Variants in MYO3B observed in about 807,000 individuals in gnomAD.
MYO3B encodes the protein myosin-IIIb.
A neutral mutation model predicts 174.6 loss-of-function variants in MYO3B; 156 were observed. That is an observed-to-expected ratio of 0.89 (90% CI 0.78 to 1.02). The LOEUF (loss-of-function observed/expected upper bound fraction) is 1.02, where lower values mean the gene tolerates loss of function less well. Among genes scored for constraint, MYO3B ranks in the 50% least tolerant of loss-of-function variants. The probability of loss-of-function intolerance (pLI) is 0.00; values close to 1 mark genes in which losing one functional copy is unlikely to be tolerated. For missense variants in MYO3B, 1,632 were observed against 1,639.4 expected, an observed-to-expected ratio of 1.00 and a Z score of 0.08; for synonymous variants, 563 against 569.1, an observed-to-expected ratio of 0.99 and a Z score of 0.15.
intron 25 of MYO3B, among the ~76,000 whole-genome samples, chr2:170,475,140 G>A (rs960438754): frequency 6.6e-6 from 1 of 152,182 alleles, no homozygotes; most frequent in African/African-American, 2.4e-5. Context: ...ATTTGACACA[G>A]TTCTCTGACT....
intron 32 of MYO3B, among the ~76,000 whole-genome samples, chr2:170,639,186 C>T (rs954367265): frequency 1.3e-5 from 2 of 152,184 alleles, no homozygotes; most frequent in African/African-American, 4.8e-5. Context: ...TTACCCAGGA[C>T]ATTGTTTCCC....
At chr2:170,569,333 G>A (rs1692274104) in intron 32 of MYO3B, among the ~76,000 whole-genome samples, 2 of 152,094 alleles carry the variant, frequency 1.3e-5, no homozygotes, top group African/African-American at 4.8e-5. Context: ...TCAAATATAT[G>A]TTCTTCCCTT....
chr2:170,527,872 A>G (rs1689105726), intron 30 of MYO3B, among the ~76,000 whole-genome samples: 1 of 152,212 alleles, frequency 6.6e-6, no homozygotes, highest in South Asian at 2.1e-4. Flanking sequence ...TAGGGCTGAA[A>G]CTGTCACTCA....
chr2:170,286,347 AT>A (rs2093556263), intron 7 of MYO3B, among the ~76,000 whole-genome samples: 2 of 152,182 alleles, frequency 1.3e-5, no homozygotes, highest in South Asian at 4.1e-4. Context: ...GGGGGCATGA[AT>A]ATATGTCAAT....
intron 7 of MYO3B, among the ~76,000 whole-genome samples, chr2:170,315,539 C>T (rs1432360012): frequency 6.6e-6 from 1 of 152,106 alleles, no homozygotes; most frequent in Non-Finnish European, 1.5e-5. Flanking sequence ...CTTCTGACCT[C>T]AGGTGACCCG....
At chr2:170,269,577 C>G (rs1358039263) in intron 7 of MYO3B, among the ~76,000 whole-genome samples, 1 of 152,184 alleles carries the variant, frequency 6.6e-6, no homozygotes, top group Non-Finnish European at 1.5e-5. Flanking sequence ...TAAAAATACA[C>G]TTGGCACACT....
Position 170,548,120 on chromosome 2 carries a change from A to G in MYO3B, c.3733+4132A>G, listed in dbSNP as rs1297082548. ...AGACTCCGTCTCAAAAAAAAAAAAAAAAAAAAAAAAAAAAAGAATGTGAGG... is the reference window on the plus strand; with the variant it reads ...AGACTCCGTCTCAAAAAAAAAAAAAGAAAAAAAAAAAAAAAGAATGTGAGG... On this transcript the variant is annotated intron_variant, in intron 32 of 34. Coordinates refer to ENST00000408978, the MANE Select transcript of MYO3B (RefSeq NM_138995.5). 2.7e-5 allele frequency among the ~76,000 whole-genome samples: 4 copies of G among 149,168 alleles called. No homozygotes were observed. In the South Asian group the frequency reaches 9.1e-4, roughly 34 times the overall value.
At chr2:170,445,004 G>A (rs571257939) in intron 23 of MYO3B, among the ~76,000 whole-genome samples, 1 of 152,266 alleles carries the variant, frequency 6.6e-6, no homozygotes, top group South Asian at 2.1e-4. Context: ...TAAAGTTGCT[G>A]CAAACTCTGA....
At chr2:170,407,933 C>T (rs1048493573) in intron 22 of MYO3B, 89 bp downstream of exon 22, 3 of 1,471,568 alleles carry the variant, frequency 2.0e-6, no homozygotes, top group African/African-American at 2.8e-5. Context: ...ACTGCCAGGG[C>T]TGCACCGCTA....
At chr2:170,389,372 C>T (rs35440638) in intron 14 of MYO3B, among the ~76,000 whole-genome samples, 2,712 of 152,294 alleles carry the variant, frequency 0.018, 33 homozygotes, top group Non-Finnish European at 0.029. Flanking sequence ...GGGGGCTGCT[C>T]TGCCAGCCAC....
rs965859550 is a variant in MYO3B, at chr2:170,319,491, G to A, written c.750-15894G>A. 9.9e-5 allele frequency among the ~76,000 whole-genome samples: 15 copies of A among 151,906 alleles called. No individual in the cohort carries two copies. The Middle Eastern group carries it at 0.017, about 172-fold the overall frequency. On this transcript the variant is annotated intron_variant, in intron 7 of 34. Coordinates refer to ENST00000408978, the MANE Select transcript of MYO3B (RefSeq NM_138995.5). Reference sequence around the variant, plus strand: ...TTAACCAACCTGAAGAACACAGAGGGAAAAAAAGACATTGAAGAAAAATTA... The same window carrying A: ...TTAACCAACCTGAAGAACACAGAGGAAAAAAAAGACATTGAAGAAAAATTA...
chr2:170,540,662 C>A (rs1411303762), intron 30 of MYO3B, among the ~76,000 whole-genome samples: 25 of 143,462 alleles, frequency 1.7e-4, no homozygotes, highest in East Asian at 4.3e-4. Flanking sequence ...AAACAAAAAA[C>A]AACAAAAAAA....
intron 7 of MYO3B, among the ~76,000 whole-genome samples, chr2:170,282,242 A>G (rs1313183084): frequency 6.6e-6 from 1 of 152,120 alleles, no homozygotes; most frequent in Non-Finnish European, 1.5e-5. Context: ...TTGGGGTCTT[A>G]AATTTAAGTC....
In MYO3B at chr2:170,501,837, G is replaced by C. The variant is rs1559062759; in HGVS notation, c.3342G>C (p.Arg1114Ser). The change falls in exon 28 of 35, where the codon AGG (arginine) becomes AGC (serine). Residue 1114 changes from arginine (R) to serine (S), a missense_variant. Physicochemically the swap from Arg to Ser is moderately radical, Grantham distance 110. Coordinates refer to ENST00000408978, the MANE Select transcript of MYO3B (RefSeq NM_138995.5). ...RRKFKKISNR[R>S]NESAAHNQAG... The stretch of plus-strand genomic sequence containing the variant: ...AATTTAAGAAAATAAGCAACAGAAG[G>C]AATGAGTCTGCTGCTCATAATCAAG... The C allele has an allele frequency of 2.5e-6, 4 of 1,612,006 alleles. No individual in the cohort carries two copies. The highest frequency in any genetic ancestry group is 1.7e-5 in the Admixed American group (1 of 59,970).
At chr2:170,202,137 G>A (rs1337333029) in intron 3 of MYO3B, among the ~76,000 whole-genome samples, 1 of 152,220 alleles carries the variant, frequency 6.6e-6, no homozygotes, top group Non-Finnish European at 1.5e-5. Flanking sequence ...GGACTTGAAA[G>A]ATGAGAAAGA....
chr2:170,229,654 G>A (rs1460825608), intron 6 of MYO3B, among the ~76,000 whole-genome samples: 1 of 152,164 alleles, frequency 6.6e-6, no homozygotes, highest in Non-Finnish European at 1.5e-5. Flanking sequence ...CAGCCCAGCA[G>A]CTCTCTGACA....
chr2:170,303,576 G>A (rs1396900711), intron 7 of MYO3B, among the ~76,000 whole-genome samples: 1 of 151,980 alleles, frequency 6.6e-6, no homozygotes. Context: ...TCATCACTTA[G>A]ATATTAAGCC....
intron 32 of MYO3B, among the ~76,000 whole-genome samples, chr2:170,623,257 T>C (rs1310923180): frequency 1.3e-5 from 2 of 152,226 alleles, no homozygotes; most frequent in African/African-American, 2.4e-5. Context: ...TTTTTAATGA[T>C]TGCCATTCTA....
intron 32 of MYO3B, chr2:170,601,982 C>T (rs1694537878): frequency 2.3e-6 from 2 of 869,402 alleles, no homozygotes; most frequent in African/African-American, 1.7e-5. Flanking sequence ...TTTGTCTCCC[C>T]TTTAGGAGGG....
Sources: gnomAD v4.1 joint callset for allele counts (sites outside exome capture counted in the v4.1 genomes callset) on GRCh38, gnomAD v4.1.1 for gene constraint, MANE v1.5 for transcripts, NCBI Gene and HGNC (gene_info 2026-07-23, HGNC 2026-07-21) for gene names.